Variants in AK5 observed in about 807,000 individuals in gnomAD.
AK5 encodes adenylate kinase isoenzyme 5.
Under a neutral mutation model 69.5 loss-of-function variants are expected in AK5, and 27 were observed. That is an observed-to-expected ratio of 0.39 (90% CI 0.29 to 0.54). The LOEUF is 0.54. Ranked by LOEUF, AK5 falls within the 20% of genes least tolerant of loss-of-function variation. The probability of loss-of-function intolerance (pLI) is 0.71; values close to 1 mark genes in which losing one functional copy is unlikely to be tolerated. For missense variants in AK5, 531 were observed against 700.4 expected (o/e 0.76, Z 2.73); for synonymous variants, 260 against 244.4 (o/e 1.06, Z -0.60).
chr1:77,442,888 G>A (rs1021462143), intron 8 of AK5, among the ~76,000 whole-genome samples: 1 of 152,108 alleles, frequency 6.6e-6, no homozygotes, highest in East Asian at 1.9e-4. Context: ...GTGTCAAGTA[G>A]CAATGGCCTT....
At chr1:77,364,743 A>G (rs1018527190) in intron 6 of AK5, among the ~76,000 whole-genome samples, 4 of 152,198 alleles carry the variant, frequency 2.6e-5, no homozygotes, top group Admixed American at 1.3e-4. Flanking sequence ...TTGGATGTGT[A>G]TAGGACATTT....
chr1:77,310,412 C>G (rs893615914), intron 5 of AK5, among the ~76,000 whole-genome samples: 2 of 151,974 alleles, frequency 1.3e-5, no homozygotes, highest in Non-Finnish European at 2.9e-5. Flanking sequence ...CAGAGTCTTA[C>G]TCAGTAGCCC....
chr1:77,287,932 C>A (rs1044114919), intron 2 of AK5, among the ~76,000 whole-genome samples: 7 of 152,092 alleles, frequency 4.6e-5, no homozygotes, highest in African/African-American at 1.7e-4. Context: ...TCAATCTTGT[C>A]TACCTATTAA....
intron 6 of AK5, among the ~76,000 whole-genome samples, chr1:77,373,642 C>CT (rs1647162826): frequency 6.6e-6 from 1 of 151,900 alleles, no homozygotes; most frequent in African/African-American, 2.4e-5. Context: ...AGAACAATCG[C>CT]TTGAACCCGG....
At chr1:77,368,245 A>ATATATATATATATATATGT (rs376578923) in intron 6 of AK5, among the ~76,000 whole-genome samples, 1 of 67,906 alleles carries the variant, frequency 1.5e-5, no homozygotes, top group Non-Finnish European at 2.9e-5. Flanking sequence ...ATATATATAT[A>ATATATATATATATATATGT]TATATATAAT....
At chr1:77,446,952 CG>C (rs1464510619) in intron 8 of AK5, among the ~76,000 whole-genome samples, 1 of 152,128 alleles carries the variant, frequency 6.6e-6, no homozygotes, top group African/African-American at 2.4e-5. Flanking sequence ...CAGCTGGAGC[CG>C]GGAAGCTGGA....
intron 7 of AK5, 134 bp downstream of exon 7, chr1:77,411,205 TA>T: frequency 1.4e-6 from 1 of 705,520 alleles, no homozygotes; most frequent in East Asian, 2.8e-5. Flanking sequence ...CTTTCTGGTA[TA>T]AAAATAAAAG....
At chr1:77,366,127 G>T (rs141396354) in intron 6 of AK5, among the ~76,000 whole-genome samples, 1 of 152,024 alleles carries the variant, frequency 6.6e-6, no homozygotes, top group Non-Finnish European at 1.5e-5. Context: ...ATTGATAAAG[G>T]GTATCAGAGA....
At chr1:77,408,759 C>CT (rs1292508713) in intron 6 of AK5, among the ~76,000 whole-genome samples, 2 of 151,548 alleles carry the variant, frequency 1.3e-5, no homozygotes, top group South Asian at 4.2e-4. Flanking sequence ...CTATTTTTTT[C>CT]TTTTTTAATT....
chr1:77,363,129 G>A (rs1175186002), intron 6 of AK5, among the ~76,000 whole-genome samples: 1 of 152,080 alleles, frequency 6.6e-6, no homozygotes, highest in Non-Finnish European at 1.5e-5. Context: ...GGCGTCTCAG[G>A]TGTAACACAT....
At chr1:77,327,989 A>G (rs757219640) in intron 5 of AK5, among the ~76,000 whole-genome samples, 1 of 152,200 alleles carries the variant, frequency 6.6e-6, no homozygotes, top group Admixed American at 6.5e-5. Flanking sequence ...TTAGCATGGA[A>G]GACAATGCCA....
Position 77,297,595 on chromosome 1 carries a change from A to C in AK5, c.452A>C (p.Lys151Thr). The C allele has an allele frequency of 1.2e-6, 2 of 1,612,196 alleles. No homozygotes were observed. Among genetic ancestry groups the C allele is most frequent in the Non-Finnish European group, 1.7e-6 (2 of 1,179,466 alleles). The change falls in exon 4 of 14, where the codon AAA (lysine) becomes ACA (threonine). Residue 151 changes from lysine to threonine, a missense_variant. Transcript: ENST00000354567. ...PGSGKGTQSL[K>T]IAERYGFQYI... Reference sequence around the variant, plus strand: ...AGTGGAAAGGGTACTCAGAGTTTGAAAATTGCAGAACGATATGGATTCCAA... The same window carrying C: ...AGTGGAAAGGGTACTCAGAGTTTGACAATTGCAGAACGATATGGATTCCAA...
chr1:77,535,124 TCC>T (rs1658886014), intron 12 of AK5, among the ~76,000 whole-genome samples: 1 of 152,214 alleles, frequency 6.6e-6, no homozygotes, highest in South Asian at 2.1e-4. Context: ...GGCAGCGGAC[TCC>T]CCACTGCAGC....
intron 6 of AK5, among the ~76,000 whole-genome samples, chr1:77,400,638 G>T (rs1557561776): frequency 6.6e-6 from 1 of 152,060 alleles, no homozygotes; most frequent in Non-Finnish European, 1.5e-5. Flanking sequence ...ATAAATCAAA[G>T]TCACTATTAC....
chr1:77,522,531 C>T (rs552189843), intron 12 of AK5, among the ~76,000 whole-genome samples: 1 of 152,240 alleles, frequency 6.6e-6, no homozygotes, highest in South Asian at 2.1e-4. Context: ...TACAAGAAGA[C>T]GGGGGAATGG....
At chr1:77,319,435 A>G (rs552949798) in intron 5 of AK5, among the ~76,000 whole-genome samples, 1 of 152,180 alleles carries the variant, frequency 6.6e-6, no homozygotes, top group Non-Finnish European at 1.5e-5. Flanking sequence ...AAACTCTTTT[A>G]TCTACTTTTT....
intron 6 of AK5, among the ~76,000 whole-genome samples, chr1:77,386,705 A>G (rs1373272419): frequency 7.2e-5 from 11 of 152,166 alleles, no homozygotes; most frequent in Admixed American, 7.2e-4. Flanking sequence ...TGTAGTGATC[A>G]AGTCAGAGGT....
At chr1:77,482,421 C>A (rs1414319068) in intron 8 of AK5, among the ~76,000 whole-genome samples, 1 of 152,150 alleles carries the variant, frequency 6.6e-6, no homozygotes, top group Non-Finnish European at 1.5e-5. Context: ...AAACTGATCA[C>A]CCCTACTTCC....
intron 6 of AK5, among the ~76,000 whole-genome samples, chr1:77,373,036 C>G (rs1022996383): frequency 6.6e-6 from 1 of 152,126 alleles, no homozygotes; most frequent in Non-Finnish European, 1.5e-5. Flanking sequence ...TATGTCCACA[C>G]TTTTAATTAT....
Sources: allele counts gnomAD v4.1 joint callset (sites outside exome capture counted in the v4.1 genomes callset), GRCh38; gene constraint gnomAD v4.1.1; transcripts MANE v1.5; gene names NCBI Gene and HGNC (gene_info 2026-07-23, HGNC 2026-07-21).